Variants in NUMB observed in about 807,000 individuals in gnomAD.
NUMB encodes NUMB endocytic adaptor protein.
In NUMB, 29 loss-of-function variants were observed where a neutral mutation model predicts 59.7. The ratio of observed to expected loss-of-function variants is 0.49; its 90% CI spans 0.36 to 0.66. The LOEUF (loss-of-function observed/expected upper bound fraction) is 0.66, where lower values mean the gene tolerates loss of function less well. Among genes scored for constraint, NUMB ranks in the 30% least tolerant of loss-of-function variants. The pLI is 0.00. For synonymous variants in NUMB, 288 were observed against 288.2 expected (o/e 1.00, Z 0.01); for missense variants, 723 against 822.0 (o/e 0.88, Z 1.47).
chr14:73,352,157 CAA>C (rs893977121), intron 4 of NUMB, among the ~76,000 whole-genome samples: 87 of 151,852 alleles, frequency 5.7e-4, no homozygotes, highest in South Asian at 3.5e-3. Context: ...AGGGTCATCT[CAA>C]ACAACTTTCT....
rs779949869 is a variant in NUMB at position 73,276,470 on chromosome 14, G to C, written c.*108C>G. 8 of 808,036 alleles carry C rather than the reference G, an allele frequency of 9.9e-6. No homozygotes were observed. Among genetic ancestry groups the C allele is most frequent in the Non-Finnish European group, 1.6e-5 (8 of 514,482 alleles). 50.1% of individuals were successfully genotyped at this position (808,036 alleles called of 1,614,324 possible). On this transcript the variant is annotated 3_prime_UTR_variant, in exon 13 of 13. Transcript: ENST00000555238. ...TGGACTTGTTCCTTGGGACCTTTGG[G>C]ATTAGTGAAAAGAGTACTAATCAGG...
At chr14:73,361,445 T>A (rs567281940) in intron 3 of NUMB, among the ~76,000 whole-genome samples, 1 of 152,204 alleles carries the variant, frequency 6.6e-6, no homozygotes, top group Non-Finnish European at 1.5e-5. Context: ...ATTTTTTTGA[T>A]GTTTCAGAAT....
At chr14:73,424,130 T>C (rs1314865039) in intron 1 of NUMB, among the ~76,000 whole-genome samples, 1 of 152,086 alleles carries the variant, frequency 6.6e-6, no homozygotes, top group Non-Finnish European at 1.5e-5. Flanking sequence ...ACTCTCTCTC[T>C]ATATATAGAA....
chr14:73,305,912 A>G (rs951863550), intron 6 of NUMB, among the ~76,000 whole-genome samples: 7 of 152,236 alleles, frequency 4.6e-5, no homozygotes, highest in African/African-American at 1.7e-4. Context: ...TAAACAAACG[A>G]GACTTTTTTC....
intron 1 of NUMB, among the ~76,000 whole-genome samples, chr14:73,436,697 T>C (rs1029952137): frequency 3.3e-5 from 5 of 151,982 alleles, no homozygotes; most frequent in Admixed American, 2.0e-4. Flanking sequence ...ATAGAAACTC[T>C]TGGCCGGGCG....
At chr14:73,326,460 C>G (rs1340248689) in intron 4 of NUMB, among the ~76,000 whole-genome samples, 1 of 151,912 alleles carries the variant, frequency 6.6e-6, no homozygotes, top group Non-Finnish European at 1.5e-5. Flanking sequence ...AACCCCGTCT[C>G]TACTAAAAAT....
At chr14:73,431,258 CTTT>C (rs546689222) in intron 1 of NUMB, among the ~76,000 whole-genome samples, 8 of 127,362 alleles carry the variant, frequency 6.3e-5, no homozygotes, top group Admixed American at 1.6e-4. Flanking sequence ...CTTGGCTTTT[CTTT>C]TTTTTTTTTT....
intron 1 of NUMB, among the ~76,000 whole-genome samples, chr14:73,444,694 T>C (rs1883335270): frequency 6.6e-6 from 1 of 151,314 alleles, no homozygotes; most frequent in Non-Finnish European, 1.5e-5. Context: ...CCATCTCTAC[T>C]GAAAATACAA....
intron 1 of NUMB, among the ~76,000 whole-genome samples, chr14:73,429,312 C>A (rs925180611): frequency 1.3e-5 from 2 of 152,070 alleles, no homozygotes; most frequent in African/African-American, 4.8e-5. Context: ...GCGGAGTCTG[C>A]AGTGAGCAGA....
intron 1 of NUMB, among the ~76,000 whole-genome samples, chr14:73,448,852 G>A (rs1195830772): frequency 6.6e-6 from 1 of 152,124 alleles, no homozygotes; most frequent in Non-Finnish European, 1.5e-5. Context: ...TGGTATCTGA[G>A]GGGGACTCGA....
chr14:73,349,595 G>A (rs1893097852), intron 4 of NUMB, among the ~76,000 whole-genome samples: 1 of 145,918 alleles, frequency 6.9e-6, no homozygotes, highest in Non-Finnish European at 1.5e-5. Context: ...AAAAAAAAAG[G>A]GTGGCCAGGC....
intron 1 of NUMB, among the ~76,000 whole-genome samples, chr14:73,451,072 T>C (rs1426307572): frequency 7.1e-6 from 1 of 141,350 alleles, no homozygotes; most frequent in Non-Finnish European, 1.5e-5. Flanking sequence ...GAGAATTGCT[T>C]GAACCCAGGA....
At chr14:73,420,172 C>T (rs1897297301) in intron 1 of NUMB, among the ~76,000 whole-genome samples, 1 of 152,154 alleles carries the variant, frequency 6.6e-6, no homozygotes, top group African/African-American at 2.4e-5. Context: ...TAGCTGAAAC[C>T]TTATTGCACT....
At chr14:73,396,541 T>G (rs372818949) in intron 2 of NUMB, among the ~76,000 whole-genome samples, 4 of 99,170 alleles carry the variant, frequency 4.0e-5, no homozygotes, top group South Asian at 3.3e-4. Flanking sequence ...TTTTGTTGTT[T>G]TTTTGTTTTG....
intron 2 of NUMB, among the ~76,000 whole-genome samples, chr14:73,389,284 A>AAC (rs1895716261): frequency 9.9e-6 from 1 of 101,340 alleles, no homozygotes; most frequent in African/African-American, 4.9e-5. Flanking sequence ...AAAAAAAAAA[A>AAC]AAAAAAAAAC....
intron 2 of NUMB, 39 bp from the exon 3 acceptor site, chr14:73,367,020 G>T (rs1317593425): frequency 2.6e-5 from 4 of 151,888 alleles, no homozygotes; most frequent in African/African-American, 9.7e-5. Flanking sequence ...CAAAATTGTT[G>T]TAACATAATT....
At chr14:73,440,587 T>C (rs917931521) in intron 1 of NUMB, among the ~76,000 whole-genome samples, 3 of 151,820 alleles carry the variant, frequency 2.0e-5, no homozygotes, top group Non-Finnish European at 4.4e-5. Flanking sequence ...GACTCACACC[T>C]GTAATCCCAG....
intron 3 of NUMB, among the ~76,000 whole-genome samples, chr14:73,360,769 C>T (rs913449787): frequency 6.6e-6 from 1 of 152,144 alleles, no homozygotes; most frequent in African/African-American, 2.4e-5. Flanking sequence ...TAAAAGTTGA[C>T]GTCTTTTTCT....
intron 4 of NUMB, among the ~76,000 whole-genome samples, chr14:73,327,303 C>A (rs1033163407): frequency 2.0e-5 from 3 of 152,214 alleles, no homozygotes; most frequent in Admixed American, 2.0e-4. Context: ...TGTCGCCAGA[C>A]TGGAGTACAG....
Sources: gnomAD v4.1 joint callset for allele counts (sites outside exome capture counted in the v4.1 genomes callset) on GRCh38, gnomAD v4.1.1 for gene constraint, MANE v1.5 for transcripts, NCBI Gene and HGNC (gene_info 2026-07-23, HGNC 2026-07-21) for gene names.